SASH1: variants seen among roughly 807,000 people sequenced by gnomAD.
SASH1 encodes the protein SAM and SH3 domain containing 1, also known as SAM and SH3 domain-containing protein 1.
SASH1 carries 44 observed loss-of-function variants against 125.2 expected under a neutral mutation model. The ratio of observed to expected loss-of-function variants is 0.35; its 90% confidence interval spans 0.28 to 0.45. The LOEUF is 0.45. Among genes scored for constraint, SASH1 ranks in the 20% least tolerant of loss-of-function variants. The pLI, the probability that SASH1 is intolerant of heterozygous loss-of-function variation, is 1.00. For missense variants in SASH1, 1,426 were observed against 1,614.5 expected (o/e 0.88, Z 2.00); for synonymous variants, 639 against 649.1 (o/e 0.98, Z 0.24).
chr6:148,396,038 G>A (rs1483631072), intron 2 of SASH1, among the ~76,000 whole-genome samples: 3 of 152,192 alleles, frequency 2.0e-5, no homozygotes, highest in Admixed American at 2.0e-4. Context: ...ATCAGCAGCT[G>A]AAGCCTGGCC....
At chr6:148,440,333 T>G in intron 3 of SASH1, 25 bp from the exon 4 acceptor site, 1 of 1,613,404 alleles carries the variant, frequency 6.2e-7, no homozygotes, top group South Asian at 1.1e-5. Flanking sequence ...CTGACCACAC[T>G]GACTATACGA....
At chr6:148,400,822 C>G (rs1000456941) in intron 2 of SASH1, among the ~76,000 whole-genome samples, 2 of 152,146 alleles carry the variant, frequency 1.3e-5, no homozygotes, top group Admixed American at 6.6e-5. Flanking sequence ...TTCTCTCGCT[C>G]CCTCTCATTA....
At position 148,548,583 on chromosome 6, in the gene SASH1, G is replaced by T. The variant is rs994901795; in HGVS notation, c.*25G>T. ...GCCAGGCCCGGAATGGGCCTCTCTG[G>T]ACAAGAGCCACCCTTTCACTGTGCA... On this transcript the variant is annotated 3_prime_UTR_variant, in exon 20 of 20. Transcript: ENST00000367467. 1.9e-6 allele frequency: 3 copies of T among 1,563,704 alleles called. No homozygotes were observed. In the African/African-American group the frequency reaches 4.1e-5, roughly 21 times the overall value.
intron 8 of SASH1, among the ~76,000 whole-genome samples, chr6:148,498,409 A>G (rs1466274403): frequency 1.3e-5 from 2 of 149,756 alleles, no homozygotes; most frequent in Non-Finnish European, 3.0e-5. Context: ...TCTAAAAAAG[A>G]AAAAAAAAAG....
At chr6:148,298,147 C>T (rs1307044764) in intron 1 of SASH1, among the ~76,000 whole-genome samples, 1 of 151,654 alleles carries the variant, frequency 6.6e-6, no homozygotes, top group Non-Finnish European at 1.5e-5. Flanking sequence ...GCTGGAATTA[C>T]AGGTACCCAC....
intron 2 of SASH1, 117 bp downstream of exon 2, chr6:148,390,379 A>C (rs915887221): frequency 9.9e-7 from 1 of 1,005,488 alleles, no homozygotes; most frequent in South Asian, 1.6e-5. Flanking sequence ...AGGCTGCTGC[A>C]CTAGTGTGGG....
chr6:148,464,565 C>G (rs1038035620), intron 4 of SASH1, among the ~76,000 whole-genome samples: 3 of 152,120 alleles, frequency 2.0e-5, no homozygotes, highest in African/African-American at 7.2e-5. Flanking sequence ...ATTTCTTCCA[C>G]CAGGAGATTA....
chr6:148,391,190 A>G (rs1246991542), intron 2 of SASH1, among the ~76,000 whole-genome samples: 1 of 151,582 alleles, frequency 6.6e-6, no homozygotes, highest in African/African-American at 2.4e-5. Context: ...GCTCACCACA[A>G]CTTCCACCTC....
At chr6:148,421,169 G>GAAAGAAAGAAAA (rs1785067308) in intron 2 of SASH1, among the ~76,000 whole-genome samples, 1 of 124,936 alleles carries the variant, frequency 8.0e-6, no homozygotes, top group African/African-American at 2.8e-5. Context: ...AAGAAAGAAA[G>GAAAGAAAGAAAA]AAAGAAAGAA....
At chr6:148,539,848 C>T (rs1354321302) in intron 16 of SASH1, among the ~76,000 whole-genome samples, 2 of 152,228 alleles carry the variant, frequency 1.3e-5, no homozygotes, top group East Asian at 3.9e-4. Context: ...GTTTGTGCCT[C>T]GTCTTGCCAG....
At position 148,489,423 on chromosome 6, in the gene SASH1, T is replaced by G. The variant is rs117462878; in HGVS notation, c.729+1708T>G. Among the ~76,000 whole-genome samples the G allele has an allele frequency of 4.9e-4, 75 of 152,338 alleles. No homozygotes were observed. The East Asian group carries it at 0.013, about 26-fold the overall frequency. On this transcript the variant is annotated intron_variant, in intron 8 of 19. Transcript: ENST00000367467. ...TATGACACCTCCGATTTTGTTCTAGTTTTTTAAGGTTGTTTTGGCTATTTA... is the reference window on the plus strand; with the variant it reads ...TATGACACCTCCGATTTTGTTCTAGGTTTTTAAGGTTGTTTTGGCTATTTA...
chr6:148,415,862 C>T (rs1784797343), intron 2 of SASH1, among the ~76,000 whole-genome samples: 1 of 152,206 alleles, frequency 6.6e-6, no homozygotes, highest in Admixed American at 6.5e-5. Flanking sequence ...TCAGAGGATT[C>T]CCTTTGGCAA....
intron 10 of SASH1, among the ~76,000 whole-genome samples, chr6:148,520,594 G>T (rs1003851761): frequency 4.6e-5 from 7 of 152,076 alleles, no homozygotes; most frequent in Non-Finnish European, 7.4e-5. Context: ...GTCAGATGAA[G>T]CTGTTTGAGT....
At chr6:148,256,166 A>G in the SASH1 span, among the ~76,000 whole-genome samples, 1 of 152,194 alleles carries the variant, frequency 6.6e-6, no homozygotes, top group Non-Finnish European at 1.5e-5. Flanking sequence ...TATTTAAAGT[A>G]GTTTTTCTAT....
chr6:148,424,234 T>TC (rs1422255280), intron 2 of SASH1, among the ~76,000 whole-genome samples: 1 of 143,570 alleles, frequency 7.0e-6, no homozygotes, highest in Non-Finnish European at 1.6e-5. Flanking sequence ...TTCTTCTTCT[T>TC]TTTTTTTTTT....
At chr6:148,496,103 C>T (rs1779301575) in intron 8 of SASH1, among the ~76,000 whole-genome samples, 1 of 152,082 alleles carries the variant, frequency 6.6e-6, no homozygotes, top group South Asian at 2.1e-4. Context: ...CTGCCTCGGC[C>T]TCCCAAAGTG....
At chr6:148,319,695 G>A (rs1780589885) in intron 1 of SASH1, among the ~76,000 whole-genome samples, 1 of 152,014 alleles carries the variant, frequency 6.6e-6, no homozygotes, top group African/African-American at 2.4e-5. Context: ...TGTATTTTTG[G>A]TAGACACAGG....
intron 4 of SASH1, among the ~76,000 whole-genome samples, chr6:148,443,663 T>C (rs925076541): frequency 1.3e-5 from 2 of 151,938 alleles, no homozygotes; most frequent in African/African-American, 4.8e-5. Context: ...TATTCTTGCA[T>C]TGATGATTAT....
At chr6:148,374,703 TTG>T (rs900830505) in intron 1 of SASH1, among the ~76,000 whole-genome samples, 29 of 112,238 alleles carry the variant, frequency 2.6e-4, no homozygotes, top group African/African-American at 9.5e-4. Context: ...AGCATTTTTT[TTG>T]GGGGGGGGGG....
Sources: allele counts gnomAD v4.1 joint callset (sites outside exome capture counted in the v4.1 genomes callset), GRCh38; gene constraint gnomAD v4.1.1; transcripts MANE v1.5; gene names NCBI Gene and HGNC (gene_info 2026-07-23, HGNC 2026-07-21).